Variants in SNED1 observed in about 807,000 individuals in gnomAD.
The protein encoded by SNED1 is sushi, nidogen and EGF like domains 1.
A neutral mutation model predicts 166.7 loss-of-function variants in SNED1; 81 were observed. The ratio of observed to expected loss-of-function variants is 0.49; its 90% CI spans 0.41 to 0.58. SNED1 has a LOEUF of 0.58. Among genes scored for constraint, SNED1 ranks in the 20% least tolerant of loss-of-function variants. The pLI is 0.00. For missense variants in SNED1, 1,604 were observed against 2,000.2 expected, an observed-to-expected ratio of 0.80 and a Z score of 3.78; for synonymous variants, 762 against 822.0, an observed-to-expected ratio of 0.93 and a Z score of 1.25.
chr2:241,031,131 G>A (rs1342458565), intron 2 of SNED1, among the ~76,000 whole-genome samples: 2 of 152,042 alleles, frequency 1.3e-5, no homozygotes, highest in African/African-American at 2.4e-5. Flanking sequence ...GTGCAGAACC[G>A]CCATTTTCAG....
chr2:241,076,706 A>G (rs185399981), intron 27 of SNED1, among the ~76,000 whole-genome samples: 7 of 152,114 alleles, frequency 4.6e-5, no homozygotes, highest in Admixed American at 3.9e-4. Flanking sequence ...TGGTGTGGTA[A>G]TGGGTTAAGG....
chr2:241,052,682 AGGG>A (rs1443710714), intron 15 of SNED1, among the ~76,000 whole-genome samples: 2 of 5,794 alleles, frequency 3.5e-4, no homozygotes, highest in African/African-American at 1.0e-3. Context: ...GGCAGGTGAG[AGGG>A]TCGGCGGGGG....
At position 241,048,670 on chromosome 2, in the gene SNED1, G is replaced by C. The variant is rs569423416; in HGVS notation, c.1408G>C (p.Asp470His). The change falls in exon 10 of 32, where the codon GAT (aspartate) becomes CAT (histidine). Residue 470 changes from aspartate (D) to histidine (H), a missense_variant. Asp to His is a moderately conservative substitution (Grantham distance 81). This residue lies in a region of SNED1 where 1,237 missense variants were observed against 1,620.8 expected (regional missense o/e 0.76). Coordinates refer to ENST00000310397, the MANE Select transcript of SNED1 (RefSeq NM_001080437.3). ...MGLDCRERVP[D>H]DCECRNGGRC... ...CCCTCTCTTCGTGGCAGGAGTCCCC[G>C]ATGACTGTGAGTGCCGCAACGGAGG... The C allele has an allele frequency of 2.5e-5, 41 of 1,609,896 alleles. No homozygotes were observed. The East Asian group carries it at 8.3e-4, about 32-fold the overall frequency.
At chr2:241,024,751 A>AAACTCTGCCTCCCAGG (rs932144703) in intron 1 of SNED1, among the ~76,000 whole-genome samples, 1 of 151,098 alleles carries the variant, frequency 6.6e-6, no homozygotes, top group Non-Finnish European at 1.5e-5. Context: ...GGCTTACTGC[A>AAACTCTGCCTCCCAGG]AACTCTGCCT....
chr2:241,027,767 A>G (rs1417517687), intron 1 of SNED1, among the ~76,000 whole-genome samples: 1 of 139,064 alleles, frequency 7.2e-6, no homozygotes, highest in East Asian at 2.1e-4. Context: ...GGAGTCTCGC[A>G]CTGTGACCCA....
intron 29 of SNED1, among the ~76,000 whole-genome samples, chr2:241,083,310 G>C (rs891058357): frequency 2.6e-5 from 4 of 152,196 alleles, no homozygotes; most frequent in Non-Finnish European, 2.9e-5. Context: ...GAGAAGTGGA[G>C]AGTGGTGAGA....
At chr2:241,072,694 G>C (rs1048067840) in intron 26 of SNED1, 2 of 197,262 alleles carry the variant, frequency 1.0e-5, no homozygotes, top group Non-Finnish European at 2.1e-5. Flanking sequence ...CTGAGGAGAG[G>C]GCAGGCAGCT....
At chr2:241,058,724 G>A (rs1373589171) in intron 16 of SNED1, among the ~76,000 whole-genome samples, 1 of 152,208 alleles carries the variant, frequency 6.6e-6, no homozygotes, top group Non-Finnish European at 1.5e-5. Flanking sequence ...GCCGAGGCAG[G>A]CACATCACAA....
Position 241,067,855 on chromosome 2 carries a change from CGTCAGTGGG to C in SNED1, c.3106_3114del (p.Ser1036_Val1038del). 6.2e-7 allele frequency: 1 copy of C among 1,613,438 alleles called. No homozygotes were observed. Among genetic ancestry groups the C allele is most frequent in the Non-Finnish European group, 8.5e-7 (1 of 1,179,830 alleles). ...CCCTGCACAGGATCCGCCATGCCACCGTCAGTGGGGTCCGTGTGTCCATCCGCCACCCTG... is the reference window on the plus strand; with the variant it reads ...CCCTGCACAGGATCCGCCATGCCACCGTCCGTGTGTCCATCCGCCACCCTG... On this transcript the variant is annotated inframe_deletion, in exon 22 of 32. Transcript: ENST00000310397.
Position 241,069,907 on chromosome 2 carries a change from C to T in SNED1, c.3308-13C>T. The T allele has an allele frequency of 6.2e-7, 1 of 1,610,204 alleles. No individual in the cohort carries two copies. The highest frequency in any genetic ancestry group is 8.5e-7 in the Non-Finnish European group (1 of 1,178,164). ...GGCACCCCCTCACCTCTCCCTGCTC[C>T]TGCCTCATCCAGGGCCCCTGCCTCC... On this transcript the variant is annotated splice_polypyrimidine_tract_variant and intron_variant, in intron 23 of 31. Transcript: ENST00000310397. This position sits in a 1 kb window ranked among gnomAD's most constrained non-coding sequence, Gnocchi z 4.9.
In SNED1 at chr2:241,052,443, G is replaced by A. The variant is rs754259393; in HGVS notation, c.2058G>A (p.Gly686=). 1.2e-6 allele frequency: 2 copies of A among 1,610,224 alleles called. No individual in the cohort carries two copies. Among genetic ancestry groups the A allele is most frequent in the African/African-American group, 1.3e-5 (1 of 74,842 alleles). The change falls in exon 15 of 32, where the codon GGG becomes GGA. Residue 686 remains glycine (G), a synonymous_variant. Coordinates refer to ENST00000310397, the MANE Select transcript of SNED1 (RefSeq NM_001080437.3). ...ATTTCTTCTGCCACTGCCAAGCAGG[G>A]TACATGGGACGCCGGTGCCAGGCAG... ...DTDFFCHCQA[G]YMGRRCQAEV...
chr2:241,085,160 A>ACTT (rs1309865493), intron 29 of SNED1, among the ~76,000 whole-genome samples: 51 of 151,350 alleles, frequency 3.4e-4, no homozygotes, highest in Admixed American at 2.6e-3. Context: ...ATTTTGTCAA[A>ACTT]CTTCGTAAAA....
intron 16 of SNED1, 106 bp downstream of exon 16, chr2:241,053,432 TCTGACCTGGTCCTGCCCCTGCTC>T (rs778098313): frequency 1.9e-4 from 222 of 1,161,958 alleles, no homozygotes; most frequent in Middle Eastern, 1.7e-3. Flanking sequence ...GATGCCCAGC[TCTGACCTGGTCCTGCCCCTGCTC>T]CCCTCAGTCT....
At position 241,027,731 on chromosome 2, in the gene SNED1, C is replaced by CTTTTTTTTTTTTTT. The variant is rs1293401106; in HGVS notation, c.214-2552_214-2551insTTTTTTTTTTTTTT. ...CTTCACCAACCCTTGTTATTTTCTTCTGTTTTTTTTTTTTTTTTTTAAGGT... is the reference window on the plus strand; with the variant it reads ...CTTCACCAACCCTTGTTATTTTCTTCTTTTTTTTTTTTTTTGTTTTTTTTTTTTTTTTTTAAGGT... On this transcript the variant is annotated intron_variant, in intron 1 of 31. Coordinates refer to ENST00000310397, the MANE Select transcript of SNED1 (RefSeq NM_001080437.3). Among the ~76,000 whole-genome samples, 4 of 137,270 alleles carry CTTTTTTTTTTTTTT rather than the reference C, an allele frequency of 2.9e-5. 1 individual carries two copies. Among genetic ancestry groups the CTTTTTTTTTTTTTT allele is most frequent in the Non-Finnish European group, 6.2e-5 (4 of 64,318 alleles). The allele number at this position is 137,270 out of a possible 152,430, so 90.1% of individuals were successfully genotyped here. A position where few individuals can be genotyped will look rare whatever the true frequency, so the allele number is the denominator to read the frequency against.
chr2:241,088,480 A>C, intron 31 of SNED1, 78 bp downstream of exon 31: 68 of 1,170,212 alleles, frequency 5.8e-5, no homozygotes, highest in Non-Finnish European at 8.0e-5. Context: ...CCGGGATCTC[A>C]GAGTGCCGCT....
intron 1 of SNED1, among the ~76,000 whole-genome samples, chr2:241,006,124 A>G (rs901702220): frequency 6.6e-6 from 1 of 151,808 alleles, no homozygotes; most frequent in Admixed American, 6.6e-5. Flanking sequence ...GAATATTTCT[A>G]TTGTTATGTT....
intron 31 of SNED1, chr2:241,088,705 G>A (rs1239540454): frequency 5.0e-6 from 2 of 403,846 alleles, no homozygotes; most frequent in Non-Finnish European, 8.8e-6. Flanking sequence ...CCCTAGATCA[G>A]CTGCAGTGGG....
At chr2:241,072,036 C>T (rs781728494) in intron 26 of SNED1, 158 bp downstream of exon 26, 18 of 734,098 alleles carry the variant, frequency 2.5e-5, no homozygotes, top group East Asian at 8.0e-5. Flanking sequence ...GCGCGGGGCT[C>T]GTGGGCCGCC....
At chr2:241,037,726 G>A (rs1432987913) in intron 6 of SNED1, among the ~76,000 whole-genome samples, 2 of 152,220 alleles carry the variant, frequency 1.3e-5, no homozygotes, top group South Asian at 2.1e-4. Context: ...CTCAGCCCAG[G>A]ACCAGCTTGA....
Sources: gnomAD v4.1 joint callset for allele counts (sites outside exome capture counted in the v4.1 genomes callset) on GRCh38, gnomAD v4.1.1 for gene constraint, gnomAD v4.1.1 regional missense constraint, Gnocchi (gnomAD v3.1) non-coding constraint, MANE v1.5 for transcripts, NCBI Gene and HGNC (gene_info 2026-07-23, HGNC 2026-07-21) for gene names.